Variants in NEMP2 observed in about 807,000 individuals in gnomAD.
The protein encoded by NEMP2 is UPF0571 transmembrane protein.
NEMP2 carries 53 observed loss-of-function variants against 54.2 expected under a neutral mutation model. The observed-to-expected ratio is 0.98, with a 90% CI of 0.78 to 1.23. NEMP2 has a LOEUF of 1.23. NEMP2 is among the 50% of genes most tolerant of loss of function. The probability of loss-of-function intolerance (pLI) is 0.00; values close to 1 mark genes in which losing one functional copy is unlikely to be tolerated. For missense variants in NEMP2, 455 were observed against 511.3 expected, an observed-to-expected ratio of 0.89 and a Z score of 1.06; for synonymous variants, 197 against 190.3, an observed-to-expected ratio of 1.04 and a Z score of -0.29.
At chr2:190,440,666 A>ATT in the NEMP2 span, among the ~76,000 whole-genome samples, 5 of 152,304 alleles carry the variant, frequency 3.3e-5, no homozygotes, top group African/African-American at 1.2e-4. Context: ...ATTTATTTAC[A>ATT]TTTTAAGGGA....
In NEMP2 at chr2:190,508,874, G is replaced by A. The variant is rs1690260053; in HGVS notation, c.*315C>T. The A allele has an allele frequency of 6.6e-6, 2 of 304,630 alleles. No individual in the cohort carries two copies. The highest frequency in any genetic ancestry group is 4.6e-5 in the Admixed American group (1 of 21,740). 18.9% of individuals were successfully genotyped at this position (304,630 alleles called of 1,614,324 possible). A position where few individuals can be genotyped will look rare whatever the true frequency, so the allele number is the denominator to read the frequency against. ...GATTTAGTGCCCTGGTGTCGACAAAGCACCTGTTCATGCTTACTAGCCCCT... is the reference window on the plus strand; with the variant it reads ...GATTTAGTGCCCTGGTGTCGACAAAACACCTGTTCATGCTTACTAGCCCCT... On this transcript the variant is annotated 3_prime_UTR_variant, in exon 9 of 9. Coordinates refer to ENST00000409150, the MANE Select transcript of NEMP2 (RefSeq NM_001142645.2). The surrounding 1 kb of genome is among the most constrained non-coding windows in gnomAD (Gnocchi z 4.3).
chr2:190,482,868 CTTTTTTTTTTTTTTTTTTTTTTT>C, the NEMP2 span, among the ~76,000 whole-genome samples: 14 of 48,286 alleles, frequency 2.9e-4, no homozygotes, highest in Admixed American at 5.0e-4. Context: ...AGACTATCAT[CTTTTTTTTTTTTTTTTTTTTTTT>C]TTTTTTTTTT....
rs1217507332 is a variant in NEMP2 at position 190,506,409 on chromosome 2, T to C, written c.*2780A>G. The C allele has an allele frequency of 6.6e-6, 1 of 152,244 alleles. No individual in the cohort carries two copies. The highest frequency in any genetic ancestry group is 2.1e-4 in the South Asian group (1 of 4,832). The allele number at this position is 152,244 out of a possible 1,614,324, so 9.4% of individuals were successfully genotyped here. On this transcript the variant is annotated 3_prime_UTR_variant, in exon 9 of 9. Transcript: ENST00000409150. The surrounding 1 kb of genome is among the most constrained non-coding windows in gnomAD (Gnocchi z 6.3). ...TGGGAAACAATCACACATAGCATAA[T>C]GTAAGAGAGCATTTCTTTAGTTGAC...
chr2:190,626,362 A>C, the NEMP2 span: 1 of 152,212 alleles, frequency 6.6e-6, no homozygotes, highest in African/African-American at 2.4e-5. This position sits in a 1 kb window ranked among gnomAD's most constrained non-coding sequence, Gnocchi z 4.5. Flanking sequence ...TTAATTTAAA[A>C]GTTAAAATGA....
chr2:190,489,925 A>G, the NEMP2 span: 9 of 1,367,462 alleles, frequency 6.6e-6, no homozygotes, highest in Admixed American at 2.5e-5. The surrounding 1 kb of genome is among the most constrained non-coding windows in gnomAD (Gnocchi z 6.6). Flanking sequence ...GAAGTCAACA[A>G]ATGCCCCGAG....
At chr2:190,643,959 T>G in the NEMP2 span, among the ~76,000 whole-genome samples, 4 of 152,134 alleles carry the variant, frequency 2.6e-5, no homozygotes, top group African/African-American at 9.7e-5. Context: ...AGAGTTTACT[T>G]AATAGTCCTC....
At chr2:190,499,928 T>G, downstream of NEMP2, 2 of 1,592,050 alleles carry the variant, frequency 1.3e-6, no homozygotes, top group South Asian at 1.1e-5. The surrounding 1 kb of genome is among the most constrained non-coding windows in gnomAD (Gnocchi z 6.0). Flanking sequence ...TCTCCCCATG[T>G]TTCCTGTCTT....
chr2:190,625,304 CTGAA>C, the NEMP2 span: 1 of 152,144 alleles, frequency 6.6e-6, no homozygotes, highest in Admixed American at 6.5e-5. Context: ...AAGTATTATA[CTGAA>C]TGAAAGAATC....
At chr2:190,602,370 T>C in the NEMP2 span, among the ~76,000 whole-genome samples, 1 of 152,238 alleles carries the variant, frequency 6.6e-6, no homozygotes. Flanking sequence ...TTCCTTCTTC[T>C]TTGGGAAATA....
downstream of NEMP2, among the ~76,000 whole-genome samples, chr2:190,503,357 C>T (rs1690099199): frequency 6.6e-6 from 1 of 152,184 alleles, no homozygotes; most frequent in Non-Finnish European, 1.5e-5. This position sits in a 1 kb window ranked among gnomAD's most constrained non-coding sequence, Gnocchi z 6.3. Flanking sequence ...TTTACACTGT[C>T]CAGGATGGTA....
At chr2:190,472,754 C>T in the NEMP2 span, among the ~76,000 whole-genome samples, 4 of 152,022 alleles carry the variant, frequency 2.6e-5, no homozygotes, top group South Asian at 2.1e-4. Context: ...AGATACTCCT[C>T]GAGAAGAGCA....
chr2:190,557,765 A>G, the NEMP2 span, among the ~76,000 whole-genome samples: 2 of 152,232 alleles, frequency 1.3e-5, no homozygotes, highest in East Asian at 1.9e-4. Context: ...AATCAAAACC[A>G]CAGTGAGATA....
chr2:190,546,227 TA>T, the NEMP2 span, among the ~76,000 whole-genome samples: 31 of 151,872 alleles, frequency 2.0e-4, no homozygotes, highest in African/African-American at 6.3e-4. The surrounding 1 kb of genome is among the most constrained non-coding windows in gnomAD (Gnocchi z 5.1). Flanking sequence ...TTTTTTTTTT[TA>T]AAAAAGAAAA....
At chr2:190,602,257 G>A in the NEMP2 span, among the ~76,000 whole-genome samples, 44 of 152,296 alleles carry the variant, frequency 2.9e-4, no homozygotes, top group Admixed American at 2.4e-3. Flanking sequence ...CTGGCAGGCC[G>A]GAAATTCAGG....
At chr2:190,467,931 C>T in the NEMP2 span, among the ~76,000 whole-genome samples, 2 of 152,168 alleles carry the variant, frequency 1.3e-5, no homozygotes, top group African/African-American at 4.8e-5. The surrounding 1 kb of genome is among the most constrained non-coding windows in gnomAD (Gnocchi z 5.5). Flanking sequence ...CCATGTAGCT[C>T]GTGAAGCCTA....
chr2:190,543,188 C>T, the NEMP2 span, among the ~76,000 whole-genome samples: 2 of 152,172 alleles, frequency 1.3e-5, no homozygotes, highest in African/African-American at 4.8e-5. The surrounding 1 kb of genome is among the most constrained non-coding windows in gnomAD (Gnocchi z 4.7). Flanking sequence ...AGGGAGGTCC[C>T]AAAGTGGGTA....
At chr2:190,585,230 T>C in the NEMP2 span, among the ~76,000 whole-genome samples, 1 of 152,266 alleles carries the variant, frequency 6.6e-6, no homozygotes, top group Non-Finnish European at 1.5e-5. The surrounding 1 kb of genome is among the most constrained non-coding windows in gnomAD (Gnocchi z 5.3). Flanking sequence ...TTTATATTTG[T>C]GGACTATGCA....
the NEMP2 span, among the ~76,000 whole-genome samples, chr2:190,455,125 G>T: frequency 6.6e-6 from 1 of 152,038 alleles, no homozygotes. Flanking sequence ...AGCCCAGGTT[G>T]TCTAGTTTAT....
chr2:190,577,082 C>G, the NEMP2 span, among the ~76,000 whole-genome samples: 1 of 152,162 alleles, frequency 6.6e-6, no homozygotes, highest in Middle Eastern at 3.2e-3. The surrounding 1 kb of genome is among the most constrained non-coding windows in gnomAD (Gnocchi z 4.8). Flanking sequence ...TTGAAAAGCA[C>G]AGACTGTGTT....
Sources: allele counts gnomAD v4.1 joint callset (sites outside exome capture counted in the v4.1 genomes callset), GRCh38; gene constraint gnomAD v4.1.1; non-coding constraint Gnocchi (gnomAD v3.1); transcripts MANE v1.5; gene names NCBI Gene and HGNC (gene_info 2026-07-23, HGNC 2026-07-21).